Variants in ARHGAP32 observed in about 807,000 individuals in gnomAD.
ARHGAP32 encodes rho GTPase-activating protein 32.
Under a neutral mutation model 186.5 loss-of-function variants are expected in ARHGAP32, and 51 were observed. That is an observed-to-expected ratio of 0.27 (90% CI 0.22 to 0.35). The LOEUF is 0.35. Ranked by LOEUF, ARHGAP32 falls within the 10% of genes least tolerant of loss-of-function variation. The probability of loss-of-function intolerance (pLI) is 1.00; values close to 1 mark genes in which losing one functional copy is unlikely to be tolerated. For synonymous variants in ARHGAP32, 950 were observed against 964.3 expected (o/e 0.99, Z 0.27); for missense variants, 2,186 against 2,623.5 (o/e 0.83, Z 3.64).
At chr11:129,186,460 T>A (rs1484597617) in intron 1 of ARHGAP32, among the ~76,000 whole-genome samples, 1 of 152,202 alleles carries the variant, frequency 6.6e-6, no homozygotes, top group Non-Finnish European at 1.5e-5. Flanking sequence ...GGGATGTTCA[T>A]ATCAGACTTT....
rs139627789 is a variant in ARHGAP32, at chr11:129,251,101, T to C, written c.-5+28045A>G. On this transcript the variant is annotated intron_variant, in intron 1 of 6. Transcript: ENST00000525234. ...ACTGGTTAAGAGAATTCTAAAACAA[T>C]AGACAAGAAAGTAAACGGATCCTAT... Among the ~76,000 whole-genome samples, 7 of 152,268 alleles carry C rather than the reference T, an allele frequency of 4.6e-5. No individual in the cohort carries two copies. The South Asian group carries it at 6.2e-4, about 14-fold the overall frequency.
In ARHGAP32 at chr11:128,973,297, G is replaced by A. The variant is rs1211156177; in HGVS notation, c.3209C>T (p.Thr1070Ile). Reference protein sequence around the residue: ...ALAESAQQASTQSLKRPGTSQ... With the variant: ...ALAESAQQASIQSLKRPGTSQ... Reference sequence around the variant, plus strand: ...GGTCCCTGGTCTCTTCAATGACTGAGTTGAGGCTTGCTGTGCGGACTCAGC... The same window carrying A: ...GGTCCCTGGTCTCTTCAATGACTGAATTGAGGCTTGCTGTGCGGACTCAGC... The change falls in exon 22 of 23, where the codon ACT becomes ATT. Residue 1070 changes from threonine (T) to isoleucine (I), a missense_variant. Around this residue, in one of 5 missense-constraint regions of ARHGAP32, gnomAD observed 1,502 missense variants for 1,570.0 expected, o/e 0.96. Coordinates refer to ENST00000682385, the MANE Select transcript of ARHGAP32 (RefSeq NM_001378024.1). 1 of 1,614,086 alleles carries A rather than the reference G, an allele frequency of 6.2e-7. No individual in the cohort carries two copies. Among genetic ancestry groups the A allele is most frequent in the Non-Finnish European group, 8.5e-7 (1 of 1,180,048 alleles).
intron 11 of ARHGAP32, among the ~76,000 whole-genome samples, chr11:129,020,215 T>G (rs1938536516): frequency 6.6e-6 from 1 of 152,072 alleles, no homozygotes; most frequent in Non-Finnish European, 1.5e-5. Flanking sequence ...CTCTAAATCA[T>G]CTTGGAAAAA....
At chr11:128,999,283 G>A (rs949594854) in intron 11 of ARHGAP32, among the ~76,000 whole-genome samples, 8 of 152,204 alleles carry the variant, frequency 5.3e-5, no homozygotes, top group African/African-American at 1.2e-4. Flanking sequence ...GGTCTCCTGC[G>A]GTGCCCCCAG....
intron 12 of ARHGAP32, among the ~76,000 whole-genome samples, chr11:128,997,305 T>C (rs939242864): frequency 6.6e-6 from 1 of 152,200 alleles, no homozygotes; most frequent in Non-Finnish European, 1.5e-5. Context: ...TAACATTTTG[T>C]CTACTCTCTC....
intron 5 of ARHGAP32, among the ~76,000 whole-genome samples, chr11:129,107,261 A>C (rs1942073802): frequency 6.6e-6 from 1 of 152,210 alleles, no homozygotes; most frequent in Non-Finnish European, 1.5e-5. Context: ...GATTTCCCCC[A>C]AAAAATAGAA....
At chr11:129,107,370 T>C (rs957286237) in intron 5 of ARHGAP32, among the ~76,000 whole-genome samples, 5 of 152,194 alleles carry the variant, frequency 3.3e-5, no homozygotes, top group Non-Finnish European at 5.9e-5. Context: ...CTTGTAGCCA[T>C]ATGAAAATAA....
Position 129,018,912 on chromosome 11 carries a change from CTTTAA to C in ARHGAP32, c.1046-20449_1046-20445del, listed in dbSNP as rs1938478754. Among the ~76,000 whole-genome samples the C allele has an allele frequency of 2.0e-5, 3 of 152,164 alleles. No homozygotes were observed. In the South Asian group the frequency reaches 6.2e-4, roughly 32 times the overall value. ...TTTTCCTTTTTATAACACAAAAAGA[CTTTAA>C]CATAAATAAGGCTTTCATATCATTA... is the stretch of plus-strand genomic sequence containing the variant. On this transcript the variant is annotated intron_variant, in intron 11 of 22. Transcript: ENST00000682385.
At chr11:129,170,233 C>G (rs1943730471) in intron 1 of ARHGAP32, among the ~76,000 whole-genome samples, 1 of 148,682 alleles carries the variant, frequency 6.7e-6, no homozygotes, top group Admixed American at 6.7e-5. Flanking sequence ...AAACGGGATA[C>G]ATATGCAGAA....
At chr11:129,244,785 A>G (rs1459351477) in intron 1 of ARHGAP32, among the ~76,000 whole-genome samples, 6 of 152,250 alleles carry the variant, frequency 3.9e-5, no homozygotes, top group Non-Finnish European at 5.9e-5. Context: ...AAAAGTGGGC[A>G]AAGGACATAA....
upstream of ARHGAP32, among the ~76,000 whole-genome samples, chr11:129,193,610 A>G (rs1232114351): frequency 2.6e-5 from 2 of 78,268 alleles, no homozygotes; most frequent in Admixed American, 1.9e-4. Flanking sequence ...TATAATATAT[A>G]ATATATGTTA....
At chr11:129,021,195 G>A (rs1938577308) in intron 11 of ARHGAP32, among the ~76,000 whole-genome samples, 1 of 151,946 alleles carries the variant, frequency 6.6e-6, no homozygotes. Flanking sequence ...TGACTGGAAT[G>A]CAAATGAATA....
chr11:129,137,106 T>G (rs1942952317), intron 2 of ARHGAP32, among the ~76,000 whole-genome samples: 1 of 151,790 alleles, frequency 6.6e-6, no homozygotes, highest in Non-Finnish European at 1.5e-5. Flanking sequence ...ATACTTCAAT[T>G]TATTGCTATG....
rs189139701 is a variant in ARHGAP32 at position 129,136,276 on chromosome 11, G to C, written c.226-11382C>G. ...CCCACGTAAGATTCTATTACACACA[G>C]AACCCTGGCACAAAAACTACATATT... On this transcript the variant is annotated intron_variant, in intron 2 of 22. Coordinates refer to ENST00000682385, the MANE Select transcript of ARHGAP32 (RefSeq NM_001378024.1). 3.3e-5 allele frequency among the ~76,000 whole-genome samples: 5 copies of C among 152,252 alleles called. No individual in the cohort carries two copies. The East Asian group carries it at 7.7e-4, about 24-fold the overall frequency.
intron 1 of ARHGAP32, among the ~76,000 whole-genome samples, chr11:129,273,220 C>A (rs1208084711): frequency 6.6e-6 from 1 of 152,188 alleles, no homozygotes; most frequent in Non-Finnish European, 1.5e-5. Flanking sequence ...CTCCTGAGGG[C>A]AAAGACTCAA....
intron 1 of ARHGAP32, among the ~76,000 whole-genome samples, chr11:129,169,189 A>T (rs1370470059): frequency 6.6e-6 from 1 of 152,208 alleles, no homozygotes; most frequent in Non-Finnish European, 1.5e-5. Flanking sequence ...AAATGCATAA[A>T]AAAGAAAACA....
At chr11:129,259,261 C>CT (rs1233829900) in intron 1 of ARHGAP32, among the ~76,000 whole-genome samples, 1 of 152,164 alleles carries the variant, frequency 6.6e-6, no homozygotes, top group Non-Finnish European at 1.5e-5. Context: ...ATACTCAGCT[C>CT]TTTCTAAAGA....
intron 2 of ARHGAP32, among the ~76,000 whole-genome samples, chr11:129,144,381 T>C (rs1313029809): frequency 1.3e-5 from 2 of 150,792 alleles, no homozygotes; most frequent in Non-Finnish European, 3.0e-5. Context: ...CTCTCAAAAT[T>C]CTTTTCAGCG....
Position 128,970,411 on chromosome 11 carries a change from T to C in ARHGAP32, c.4802A>G (p.His1601Arg), listed in dbSNP as rs1416621779. The C allele has an allele frequency of 6.2e-7, 1 of 1,614,134 alleles. No homozygotes were observed. The highest frequency in any genetic ancestry group is 1.1e-5 in the South Asian group (1 of 91,074). Reference sequence around the variant, plus strand: ...GCGAATCATGGAAGACGGCGGAGCATGGAGAGACTGCACTCTCCGGATGGT... The same window carrying C: ...GCGAATCATGGAAGACGGCGGAGCACGGAGAGACTGCACTCTCCGGATGGT... ...YPTIRRVQSL[H>R]APPSSMIRSV... The change falls in exon 23 of 23, where the codon CAT (histidine) becomes CGT (arginine). Residue 1601 changes from histidine to arginine, a missense_variant. This residue lies in a region of ARHGAP32 where 1,502 missense variants were observed against 1,570.0 expected (regional missense o/e 0.96). Coordinates refer to ENST00000682385, the MANE Select transcript of ARHGAP32 (RefSeq NM_001378024.1). This position sits in a 1 kb window ranked among gnomAD's most constrained non-coding sequence, Gnocchi z 5.8.
Sources: gnomAD v4.1 joint callset for allele counts (sites outside exome capture counted in the v4.1 genomes callset) on GRCh38, gnomAD v4.1.1 for gene constraint, gnomAD v4.1.1 regional missense constraint, Gnocchi (gnomAD v3.1) non-coding constraint, MANE v1.5 for transcripts, NCBI Gene and HGNC (gene_info 2026-07-23, HGNC 2026-07-21) for gene names.